PDZRN4: variants seen among roughly 807,000 people sequenced by gnomAD.
PDZRN4 encodes PDZ domain containing ring finger 4, also known as PDZ domain-containing RING finger protein 4.
Under a neutral mutation model 99.0 loss-of-function variants are expected in PDZRN4, and 70 were observed. That is an observed-to-expected ratio of 0.71 (90% CI 0.58 to 0.86). The LOEUF (loss-of-function observed/expected upper bound fraction) is 0.86. PDZRN4 is among the 40% of genes least tolerant of loss of function. The pLI is 0.00. For missense variants in PDZRN4, 1,474 were observed against 1,331.2 expected, an observed-to-expected ratio of 1.11 and a Z score of -1.67; for synonymous variants, 551 against 501.6, an observed-to-expected ratio of 1.10 and a Z score of -1.32.
intron 3 of PDZRN4, among the ~76,000 whole-genome samples, chr12:41,229,835 A>C (rs1951017048): frequency 6.6e-6 from 1 of 152,042 alleles, no homozygotes; most frequent in Admixed American, 6.6e-5. Context: ...ATTTCTTACT[A>C]GGAAGAGACT....
chr12:41,481,449 C>A (rs1278450337), intron 3 of PDZRN4, among the ~76,000 whole-genome samples: 1 of 152,062 alleles, frequency 6.6e-6, no homozygotes, highest in African/African-American at 2.4e-5. Context: ...GCATTTAAAC[C>A]CCCACAATCT....
At chr12:41,350,775 G>A (rs1355135441) in intron 3 of PDZRN4, among the ~76,000 whole-genome samples, 1 of 152,050 alleles carries the variant, frequency 6.6e-6, no homozygotes, top group Non-Finnish European at 1.5e-5. Context: ...AGTTATGTTG[G>A]ACATGTTCTT....
intron 3 of PDZRN4, among the ~76,000 whole-genome samples, chr12:41,458,893 A>G (rs1952844085): frequency 1.3e-5 from 2 of 152,170 alleles, no homozygotes; most frequent in Non-Finnish European, 2.9e-5. Context: ...GAGAGAAAGA[A>G]GTCACAGAAG....
chr12:41,225,949 T>A (rs1950991324), intron 3 of PDZRN4, among the ~76,000 whole-genome samples: 1 of 152,106 alleles, frequency 6.6e-6, no homozygotes, highest in Non-Finnish European at 1.5e-5. Context: ...TTGTCTCCAC[T>A]TGAATTTTTT....
At chr12:41,412,028 C>T (rs765225456) in intron 3 of PDZRN4, among the ~76,000 whole-genome samples, 8 of 152,136 alleles carry the variant, frequency 5.3e-5, no homozygotes, top group Admixed American at 3.3e-4. Flanking sequence ...AGGGCAGTTT[C>T]CTTACTTGTA....
chr12:41,206,606 C>A (rs1950852860), intron 3 of PDZRN4, among the ~76,000 whole-genome samples: 1 of 151,536 alleles, frequency 6.6e-6, no homozygotes, highest in Admixed American at 6.6e-5. Context: ...GCCTTCAACA[C>A]CCAGTGGCAC....
chr12:41,567,633 C>G (rs1368675058), intron 8 of PDZRN4, 150 bp from the exon 9 acceptor site: 176 of 205,166 alleles, frequency 8.6e-4, no homozygotes, highest in East Asian at 2.6e-3. Context: ...ACCTTTTCTT[C>G]TTTCTGAGAG....
intron 5 of PDZRN4, among the ~76,000 whole-genome samples, chr12:41,513,751 A>C (rs1217279101): frequency 6.6e-6 from 1 of 152,080 alleles, no homozygotes; most frequent in Non-Finnish European, 1.5e-5. Context: ...AGGTTTTAAG[A>C]AACATAGAGA....
At chr12:41,455,487 A>G (rs528684872) in intron 3 of PDZRN4, among the ~76,000 whole-genome samples, 1 of 152,338 alleles carries the variant, frequency 6.6e-6, no homozygotes, top group African/African-American at 2.4e-5. Context: ...ACTCAAAAAA[A>G]TTGTCATCAA....
rs17129470 is a variant in PDZRN4, at chr12:41,556,858, T to C, written c.1365+1098T>C. Among the ~76,000 whole-genome samples, 1,207 of 152,212 alleles carry C rather than the reference T, an allele frequency of 7.9e-3. 44 individuals are homozygous for C. In the East Asian group the frequency reaches 0.14, roughly 18 times the overall value. On this transcript the variant is annotated intron_variant, in intron 7 of 9. Transcript: ENST00000402685. ...TTTCTGAGTCCTCTCCCATAAAGAA[T>C]GGCTGCAGGGGCCAGGCCCGGTGGC... is the stretch of plus-strand genomic sequence containing the variant.
intron 3 of PDZRN4, among the ~76,000 whole-genome samples, chr12:41,232,901 T>TA: frequency 6.6e-6 from 1 of 152,122 alleles, no homozygotes; most frequent in Non-Finnish European, 1.5e-5. Flanking sequence ...CTAGCCAATT[T>TA]TCCACACCAT....
At chr12:41,437,284 T>C (rs1565582446) in intron 3 of PDZRN4, among the ~76,000 whole-genome samples, 1 of 152,190 alleles carries the variant, frequency 6.6e-6, no homozygotes. Flanking sequence ...ATTTTATAAA[T>C]GTAAATAATT....
At chr12:41,265,762 T>G (rs73120962) in intron 3 of PDZRN4, among the ~76,000 whole-genome samples, 8,443 of 152,242 alleles carry the variant, frequency 0.055, 264 homozygotes, top group Non-Finnish European at 0.061. Flanking sequence ...CTTAAATCAA[T>G]GTATTGTAAA....
In PDZRN4 at chr12:41,403,946, G is replaced by A. The variant is rs201383473; in HGVS notation, c.844-102510G>A. Among the ~76,000 whole-genome samples, 27 of 152,200 alleles carry A rather than the reference G, an allele frequency of 1.8e-4. No homozygotes were observed. The East Asian group carries it at 4.6e-3, about 26-fold the overall frequency. ...AAGAAGGGAGTACAGTTGTCCCTTG[G>A]TATCTATTGGGGTGTTGGCTGCAGG... On this transcript the variant is annotated intron_variant, in intron 3 of 9. Transcript: ENST00000402685.
At chr12:41,355,192 G>A (rs899354539) in intron 3 of PDZRN4, among the ~76,000 whole-genome samples, 1 of 152,060 alleles carries the variant, frequency 6.6e-6, no homozygotes, top group Non-Finnish European at 1.5e-5. Context: ...TTGGCTACCA[G>A]AGGGAGTGAA....
chr12:41,264,390 T>A (rs992292818), intron 3 of PDZRN4, among the ~76,000 whole-genome samples: 11 of 152,322 alleles, frequency 7.2e-5, no homozygotes, highest in African/African-American at 2.6e-4. Context: ...AAATTTGTTA[T>A]CACCTTTGAA....
chr12:41,468,994 G>C (rs1952959329), intron 3 of PDZRN4, among the ~76,000 whole-genome samples: 1 of 140,230 alleles, frequency 7.1e-6, no homozygotes, highest in South Asian at 2.3e-4. Context: ...GGGCGACAGA[G>C]CAAGATTCTG....
chr12:41,222,262 A>G (rs1950960213), intron 3 of PDZRN4, among the ~76,000 whole-genome samples: 1 of 152,130 alleles, frequency 6.6e-6, no homozygotes, highest in Non-Finnish European at 1.5e-5. Context: ...GCTAATGGAT[A>G]CTTATTTAAC....
At chr12:41,237,351 T>C (rs935377455) in intron 3 of PDZRN4, among the ~76,000 whole-genome samples, 6 of 152,156 alleles carry the variant, frequency 3.9e-5, no homozygotes. Flanking sequence ...TCACTAAATA[T>C]GGGCACGTTT....
Sources: allele counts gnomAD v4.1 joint callset (sites outside exome capture counted in the v4.1 genomes callset), GRCh38; gene constraint gnomAD v4.1.1; transcripts MANE v1.5; gene names NCBI Gene and HGNC (gene_info 2026-07-23, HGNC 2026-07-21).